The following CALN1 variants were observed in gnomAD, a reference collection of about 807,000 sequenced individuals.
The protein encoded by CALN1 is calcium-binding protein 8.
In CALN1, 17 loss-of-function variants were observed where a neutral mutation model predicts 30.6. The observed-to-expected ratio is 0.56, with a 90% CI of 0.38 to 0.83. CALN1 has a LOEUF of 0.83. Among genes scored for constraint, CALN1 ranks in the 40% least tolerant of loss-of-function variants. The pLI, the probability that CALN1 is intolerant of heterozygous loss-of-function variation, is 0.00. For missense variants in CALN1, 291 were observed against 354.9 expected, an observed-to-expected ratio of 0.82 and a Z score of 1.45; for synonymous variants, 156 against 131.4, an observed-to-expected ratio of 1.19 and a Z score of -1.28.
intron 5 of CALN1, among the ~76,000 whole-genome samples, chr7:71,871,794 C>T (rs1451898085): frequency 6.6e-6 from 1 of 152,024 alleles, no homozygotes; most frequent in African/African-American, 2.4e-5. Flanking sequence ...TCAAATATCA[C>T]CTTTTCAGAG....
rs188778247 is a variant in CALN1, at chr7:71,854,551, G to T, written c.502-44059C>A. Among the ~76,000 whole-genome samples, 648 of 152,314 alleles carry T rather than the reference G, an allele frequency of 4.3e-3. 2 individuals are homozygous for T. Among genetic ancestry groups the T allele is most frequent in the African/African-American group, 0.013 (534 of 41,578 alleles). On this transcript the variant is annotated intron_variant, in intron 5 of 6. Coordinates refer to ENST00000395275, the MANE Select transcript of CALN1 (RefSeq NM_031468.4). ...CATTGTGGTTACATGCATGTTTGTT[G>T]TAAGGACCTGGTTCTTTTTCCTACT...
intron 4 of CALN1, 62 bp downstream of exon 4, chr7:72,106,089 G>A (rs1323954550): frequency 7.0e-6 from 11 of 1,572,518 alleles, no homozygotes; most frequent in African/African-American, 4.1e-5. Flanking sequence ...TGCATAAACC[G>A]AAGGTCTCAC....
rs149199145 is a variant in CALN1 at position 72,302,342 on chromosome 7, G to A, written c.120-23532C>T. Among the ~76,000 whole-genome samples the A allele has an allele frequency of 4.2e-3, 640 of 152,224 alleles. 2 individuals carry two copies. The highest frequency in any genetic ancestry group is 0.031 in the Middle Eastern group (9 of 292). ...CACCTAAAGCCCTAGAGGAAGGAAC[G>A]GACAACGTTTTAATGAATGGCGATC... On this transcript the variant is annotated intron_variant, in intron 2 of 6. Coordinates refer to ENST00000395275, the MANE Select transcript of CALN1 (RefSeq NM_031468.4).
chr7:71,889,398 C>A (rs375705699), intron 5 of CALN1, among the ~76,000 whole-genome samples: 37 of 149,782 alleles, frequency 2.5e-4, no homozygotes, highest in African/African-American at 8.8e-4. Flanking sequence ...GACGTTGGGG[C>A]AAAAAAAAAT....
At chr7:72,258,640 C>A (rs1445513222) in intron 3 of CALN1, among the ~76,000 whole-genome samples, 1 of 152,156 alleles carries the variant, frequency 6.6e-6, no homozygotes. Flanking sequence ...TATGAAGAAG[C>A]CAGGGGTGGT....
chr7:72,423,623 C>T (rs947748114), intron 1 of CALN1, among the ~76,000 whole-genome samples: 8 of 152,246 alleles, frequency 5.3e-5, no homozygotes, highest in South Asian at 2.1e-4. Flanking sequence ...ACCACCTGGG[C>T]GAATTCAAAG....
chr7:72,392,845 A>AG, intron 2 of CALN1, among the ~76,000 whole-genome samples: 1 of 150,890 alleles, frequency 6.6e-6, no homozygotes, highest in East Asian at 2.0e-4. Context: ...TAAAAAAAAA[A>AG]TTAATTAGCC....
At chr7:72,451,706 T>A (rs1450500961), upstream of CALN1, among the ~76,000 whole-genome samples, 1 of 152,188 alleles carries the variant, frequency 6.6e-6, no homozygotes, top group African/African-American at 2.4e-5. Context: ...CCCCGGTGAT[T>A]GACAAGTCAA....
intron 6 of CALN1, among the ~76,000 whole-genome samples, chr7:71,790,593 A>G (rs1289999362): frequency 6.6e-6 from 1 of 152,146 alleles, no homozygotes; most frequent in Non-Finnish European, 1.5e-5. Flanking sequence ...TTCCCCAGAT[A>G]GCTTAGAGGA....
At chr7:72,106,550 A>G (rs1398689003) in intron 3 of CALN1, among the ~76,000 whole-genome samples, 1 of 149,412 alleles carries the variant, frequency 6.7e-6, no homozygotes, top group East Asian at 2.0e-4. Context: ...AGAAAAGGAA[A>G]GGGAGAAAGG....
At chr7:72,047,892 T>C (rs2129535120) in intron 4 of CALN1, among the ~76,000 whole-genome samples, 1 of 152,248 alleles carries the variant, frequency 6.6e-6, no homozygotes, top group East Asian at 1.9e-4. Context: ...GGGAAAGTGC[T>C]GCAGAAGGAA....
At chr7:72,379,041 C>T (rs929731493) in intron 2 of CALN1, among the ~76,000 whole-genome samples, 6 of 152,138 alleles carry the variant, frequency 3.9e-5, no homozygotes, top group Admixed American at 2.0e-4. Context: ...CTGAGATAAA[C>T]GTTCACTTGG....
At chr7:71,819,731 G>C (rs1788486120) in intron 5 of CALN1, among the ~76,000 whole-genome samples, 1 of 152,054 alleles carries the variant, frequency 6.6e-6, no homozygotes, top group Non-Finnish European at 1.5e-5. Context: ...GGTACCTTAT[G>C]TTAAGTGGAA....
intron 5 of CALN1, among the ~76,000 whole-genome samples, chr7:72,008,239 A>G (rs2129529016): frequency 6.6e-6 from 1 of 152,312 alleles, no homozygotes; most frequent in Middle Eastern, 3.4e-3. Flanking sequence ...CAAAAAAATG[A>G]AAAACCAATA....
chr7:72,098,399 T>A (rs1253233273), intron 4 of CALN1, among the ~76,000 whole-genome samples: 2 of 152,122 alleles, frequency 1.3e-5, no homozygotes, highest in Non-Finnish European at 2.9e-5. Flanking sequence ...GGGCTTTTTG[T>A]TTATTTAACT....
intron 5 of CALN1, among the ~76,000 whole-genome samples, chr7:71,963,479 A>G (rs1485063548): frequency 6.7e-6 from 1 of 150,014 alleles, no homozygotes; most frequent in East Asian, 2.0e-4. Context: ...TCATGTTTGT[A>G]TTTTTAGTAG....
chr7:72,124,174 A>AT, intron 3 of CALN1, among the ~76,000 whole-genome samples: 1 of 152,294 alleles, frequency 6.6e-6, no homozygotes, highest in East Asian at 1.9e-4. Context: ...TGAGCGGCTC[A>AT]TGTCCGTGTG....
intron 5 of CALN1, among the ~76,000 whole-genome samples, chr7:71,980,863 G>A (rs1798357624): frequency 2.0e-5 from 3 of 152,086 alleles, no homozygotes; most frequent in Admixed American, 1.3e-4. Context: ...CCTACAAAAT[G>A]AGACACCTGG....
chr7:72,332,670 C>T (rs1801754595), intron 2 of CALN1, among the ~76,000 whole-genome samples: 1 of 152,148 alleles, frequency 6.6e-6, no homozygotes, highest in Non-Finnish European at 1.5e-5. Flanking sequence ...ATGCCTGGTT[C>T]TTCAGGGATG....
Sources: allele counts gnomAD v4.1 joint callset (sites outside exome capture counted in the v4.1 genomes callset), GRCh38; gene constraint gnomAD v4.1.1; transcripts MANE v1.5; gene names NCBI Gene and HGNC (gene_info 2026-07-23, HGNC 2026-07-21).